Variants in P3H2 observed in about 807,000 individuals in gnomAD.
The protein encoded by P3H2 is prolyl 3-hydroxylase 2.
In P3H2, 80 loss-of-function variants were observed where a neutral mutation model predicts 87.0. The observed-to-expected ratio is 0.92, with a 90% CI of 0.77 to 1.11. The LOEUF (loss-of-function observed/expected upper bound fraction) is 1.11. Among genes scored for constraint, P3H2 ranks in the 50% least tolerant of loss-of-function variants. The pLI is 0.00. For missense variants in P3H2, 1,001 were observed against 923.9 expected (o/e 1.08, Z -1.08); for synonymous variants, 367 against 359.3 (o/e 1.02, Z -0.24).
intron 9 of P3H2, 48 bp from the exon 10 acceptor site, chr3:189,974,052 C>T: frequency 6.7e-7 from 1 of 1,482,148 alleles, no homozygotes; most frequent in Non-Finnish European, 9.4e-7. Context: ...ACTATGAATT[C>T]ATCAGGTCTT....
chr3:189,973,115 A>T, intron 10 of P3H2, 91 bp from the exon 11 acceptor site: 1 of 1,183,772 alleles, frequency 8.4e-7, no homozygotes, highest in Non-Finnish European at 1.2e-6. Context: ...CCAATATAGG[A>T]TTGTCATGTC....
chr3:189,971,690 C>A, intron 12 of P3H2, 200 bp downstream of exon 12: 1 of 567,620 alleles, frequency 1.8e-6, no homozygotes. Context: ...AAATGGGATG[C>A]AAACTGTGCA....
At chr3:189,980,103 C>T (rs1271964855) in intron 8 of P3H2, among the ~76,000 whole-genome samples, 1 of 152,200 alleles carries the variant, frequency 6.6e-6, no homozygotes, top group Non-Finnish European at 1.5e-5. Context: ...AGCCCTGGGT[C>T]ACCCCATCTT....
intron 1 of P3H2, among the ~76,000 whole-genome samples, chr3:190,030,078 A>T (rs1441558806): frequency 1.3e-5 from 2 of 152,132 alleles, no homozygotes; most frequent in Non-Finnish European, 2.9e-5. Context: ...AAATAGCTGT[A>T]TAAAAATATA....
At chr3:190,102,379 A>C (rs1353933147) in intron 1 of P3H2, among the ~76,000 whole-genome samples, 1 of 152,254 alleles carries the variant, frequency 6.6e-6, no homozygotes, top group Non-Finnish European at 1.5e-5. Flanking sequence ...TTCGTGATTC[A>C]TAAGGAGAAG....
At chr3:189,966,224 T>C (rs1296966709) in intron 13 of P3H2, among the ~76,000 whole-genome samples, 9 of 151,356 alleles carry the variant, frequency 5.9e-5, no homozygotes, top group Admixed American at 5.9e-4. Context: ...CTTGGGATGT[T>C]GGAATTTCAG....
At chr3:189,973,789 G>A (rs983225611) in intron 10 of P3H2, 120 bp downstream of exon 10, 34 of 794,434 alleles carry the variant, frequency 4.3e-5, no homozygotes, top group Non-Finnish European at 7.1e-5. Flanking sequence ...CTCCCAAAGT[G>A]CTGGGATTAC....
chr3:190,121,069 C>A (rs1198760922), upstream of P3H2: 1 of 326,796 alleles, frequency 3.1e-6, no homozygotes, highest in Non-Finnish European at 5.6e-6. Flanking sequence ...TGAGGCCGGC[C>A]GGGGACGAGG....
chr3:190,012,207 G>GGT lies in P3H2; in HGVS notation c.481-16767_481-16766dup, dbSNP rs3062120. On this transcript the variant is annotated intron_variant, in intron 1 of 14. Transcript: ENST00000319332. The stretch of plus-strand genomic sequence containing the variant: ...AGGTGTGTGCCTGTGTGTAGGTAAA[G>GGT]GTGTGTGTGTGTGTGTGTGTGTGTG... Among the ~76,000 whole-genome samples the GGT allele has an allele frequency of 1.3e-3, 195 of 145,700 alleles. 1 individual carries two copies. The highest frequency in any genetic ancestry group is 6.9e-3 in the Middle Eastern group (2 of 290).
intron 4 of P3H2, 114 bp downstream of exon 4, chr3:189,988,793 C>T: frequency 1.5e-6 from 2 of 1,319,948 alleles, no homozygotes; most frequent in Non-Finnish European, 2.2e-6. Flanking sequence ...GCATAAATTC[C>T]TATTGCTTTC....
At chr3:189,963,569 C>T (rs1357007498) in intron 14 of P3H2, 10 of 226,382 alleles carry the variant, frequency 4.4e-5, no homozygotes, top group African/African-American at 1.4e-4. Flanking sequence ...CTCAGCTTCC[C>T]GAGTAACTGG....
chr3:190,067,646 G>C (rs1030279618), intron 1 of P3H2, among the ~76,000 whole-genome samples: 2 of 151,932 alleles, frequency 1.3e-5, no homozygotes, highest in Non-Finnish European at 2.9e-5. Context: ...TCTACATATG[G>C]TGCTGGCACA....
chr3:190,121,055 C>T (rs1387257367), upstream of P3H2: 15 of 350,150 alleles, frequency 4.3e-5, no homozygotes, highest in Non-Finnish European at 7.2e-5. Context: ...GAGCTAGCGC[C>T]GCTTGAGGCC....
chr3:189,971,338 G>T (rs1209532363), intron 12 of P3H2, among the ~76,000 whole-genome samples: 1 of 152,212 alleles, frequency 6.6e-6, no homozygotes, highest in African/African-American at 2.4e-5. Flanking sequence ...GCAGATAGCG[G>T]GTGCTTAATA....
intron 1 of P3H2, among the ~76,000 whole-genome samples, chr3:190,095,635 C>G (rs1369190562): frequency 6.8e-5 from 10 of 146,538 alleles, no homozygotes; most frequent in African/African-American, 2.5e-4. Flanking sequence ...GAGTCTCGCT[C>G]TGTCACCCAG....
At chr3:190,055,894 T>A (rs1420012999) in intron 1 of P3H2, among the ~76,000 whole-genome samples, 1 of 152,228 alleles carries the variant, frequency 6.6e-6, no homozygotes, top group African/African-American at 2.4e-5. Flanking sequence ...GATTTACTTG[T>A]GTGTTTACTT....
chr3:189,996,551 G>A (rs912921532), intron 1 of P3H2, among the ~76,000 whole-genome samples: 1 of 152,120 alleles, frequency 6.6e-6, no homozygotes, highest in Admixed American at 6.5e-5. Flanking sequence ...TTGCACAGTA[G>A]GATAACAATA....
intron 1 of P3H2, among the ~76,000 whole-genome samples, chr3:190,072,739 AAAC>A (rs1191757224): frequency 1.3e-5 from 2 of 152,230 alleles, no homozygotes; most frequent in Non-Finnish European, 2.9e-5. Flanking sequence ...AAAAGTTACT[AAAC>A]AACATGCACA....
chr3:190,056,863 TA>T (rs1158836689), intron 1 of P3H2, among the ~76,000 whole-genome samples: 2 of 152,214 alleles, frequency 1.3e-5, no homozygotes, highest in Non-Finnish European at 2.9e-5. Flanking sequence ...ATCCACACTC[TA>T]CTCAGACACT....
Sources: allele counts gnomAD v4.1 joint callset (sites outside exome capture counted in the v4.1 genomes callset), GRCh38; gene constraint gnomAD v4.1.1; transcripts MANE v1.5; gene names NCBI Gene and HGNC (gene_info 2026-07-23, HGNC 2026-07-21).